Variants in STXBP4 observed in about 807,000 individuals in gnomAD.
STXBP4 encodes the protein syntaxin-binding protein 4.
STXBP4 carries 55 observed loss-of-function variants against 76.1 expected under a neutral mutation model. That is an observed-to-expected ratio of 0.72 (90% CI 0.58 to 0.91). STXBP4 has a LOEUF of 0.91. STXBP4 is among the 40% of genes least tolerant of loss of function. The probability of loss-of-function intolerance (pLI) is 0.00; values close to 1 mark genes in which losing one functional copy is unlikely to be tolerated. For synonymous variants in STXBP4, 201 were observed against 220.2 expected, an observed-to-expected ratio of 0.91 and a Z score of 0.77; for missense variants, 618 against 636.9, an observed-to-expected ratio of 0.97 and a Z score of 0.32.
intron 16 of STXBP4, among the ~76,000 whole-genome samples, chr17:55,116,044 AG>A (rs2079776640): frequency 6.6e-6 from 1 of 151,804 alleles, no homozygotes; most frequent in East Asian, 1.9e-4. Context: ...AACTCTAGGG[AG>A]CGGTGCCTTA....
chr17:55,102,896 C>T (rs918449491), intron 16 of STXBP4, among the ~76,000 whole-genome samples: 8 of 152,132 alleles, frequency 5.3e-5, no homozygotes, highest in Admixed American at 5.2e-4. Flanking sequence ...AGCTTTTTTT[C>T]ATATGTTTTT....
chr17:55,017,089 C>T (rs979913695), intron 8 of STXBP4, among the ~76,000 whole-genome samples: 21 of 152,150 alleles, frequency 1.4e-4, no homozygotes, highest in South Asian at 2.1e-4. Flanking sequence ...TATAGGGTCA[C>T]GGAGAAGACC....
intron 17 of STXBP4, among the ~76,000 whole-genome samples, chr17:55,144,005 GCACACACACA>G (rs61300425): frequency 0.025 from 3,429 of 138,916 alleles, 44 homozygotes; most frequent in Non-Finnish European, 0.035. Context: ...AAAGCCACCT[GCACACACACA>G]CACACACACA....
chr17:55,116,494 T>G (rs1345495018), intron 16 of STXBP4, among the ~76,000 whole-genome samples: 2 of 151,802 alleles, frequency 1.3e-5, no homozygotes, highest in Non-Finnish European at 3.0e-5. Flanking sequence ...TAATTGGTAT[T>G]TAAAACAGTT....
intron 8 of STXBP4, among the ~76,000 whole-genome samples, chr17:55,009,621 T>C (rs1159099940): frequency 6.6e-6 from 1 of 152,174 alleles, no homozygotes; most frequent in Non-Finnish European, 1.5e-5. Context: ...AAATTATTTT[T>C]GTGGAAAAGT....
intron 5 of STXBP4, 38 bp downstream of exon 5, chr17:54,999,489 G>C (rs779506028): frequency 6.5e-7 from 1 of 1,537,538 alleles, no homozygotes; most frequent in Non-Finnish European, 8.9e-7. Flanking sequence ...GAGTCATTTA[G>C]AATGTCTCCT....
chr17:54,988,861 C>T (rs1009400669), intron 3 of STXBP4, among the ~76,000 whole-genome samples: 3 of 152,076 alleles, frequency 2.0e-5, no homozygotes, highest in African/African-American at 7.2e-5. Context: ...TGACTATTGC[C>T]CTAGAAACCA....
the STXBP4 span, among the ~76,000 whole-genome samples, chr17:55,211,799 GTTTTTTTTTTTTT>G: frequency 2.0e-5 from 1 of 48,980 alleles, no homozygotes; most frequent in Non-Finnish European, 4.1e-5. Flanking sequence ...GTTTTTTGTT[GTTTTTTTTTTTTT>G]TTTTTTTTTT....
intron 16 of STXBP4, among the ~76,000 whole-genome samples, chr17:55,107,025 A>G (rs998901866): frequency 2.6e-5 from 4 of 152,176 alleles, no homozygotes; most frequent in Non-Finnish European, 5.9e-5. Flanking sequence ...TATCCTGAAG[A>G]GTATTTTCCA....
intron 8 of STXBP4, among the ~76,000 whole-genome samples, chr17:55,012,119 T>G (rs1366062252): frequency 1.3e-5 from 2 of 152,072 alleles, no homozygotes; most frequent in Admixed American, 1.3e-4. Context: ...AACAAGGAGG[T>G]TAAAGATACA....
chr17:55,034,023 T>C, intron 9 of STXBP4, 145 bp from the exon 10 acceptor site: 1 of 531,510 alleles, frequency 1.9e-6, no homozygotes, highest in Non-Finnish European at 3.3e-6. Flanking sequence ...TTATTTGAAA[T>C]TACATTTACC....
chr17:55,212,008 C>T, the STXBP4 span, among the ~76,000 whole-genome samples: 1 of 150,482 alleles, frequency 6.6e-6, no homozygotes, highest in East Asian at 1.9e-4. Flanking sequence ...TTAGTAGAGA[C>T]CGGGATTCAT....
intron 17 of STXBP4, among the ~76,000 whole-genome samples, chr17:55,149,311 T>G (rs1275000913): frequency 6.6e-6 from 1 of 152,088 alleles, no homozygotes; most frequent in Non-Finnish European, 1.5e-5. Context: ...TTGTTGGCAG[T>G]CTGCGGAAGC....
intron 17 of STXBP4, among the ~76,000 whole-genome samples, chr17:55,157,910 G>A (rs2080299210): frequency 6.6e-6 from 1 of 152,128 alleles, no homozygotes; most frequent in Admixed American, 6.6e-5. Context: ...GTTTGTTAAC[G>A]GAGATATGTT....
intron 12 of STXBP4, among the ~76,000 whole-genome samples, chr17:55,052,508 T>A (rs542039726): frequency 6.6e-6 from 1 of 152,252 alleles, no homozygotes; most frequent in South Asian, 2.1e-4. Flanking sequence ...GATTTGGAAA[T>A]CAGTATTTTA....
intron 10 of STXBP4, among the ~76,000 whole-genome samples, chr17:55,039,750 A>C (rs555648923): frequency 6.6e-6 from 1 of 151,372 alleles, no homozygotes; most frequent in South Asian, 2.1e-4. Flanking sequence ...AAAAAAAAAA[A>C]CTCAAAAGTT....
At chr17:55,088,073 C>T (rs2079361602) in intron 16 of STXBP4, among the ~76,000 whole-genome samples, 2 of 152,110 alleles carry the variant, frequency 1.3e-5, no homozygotes, top group South Asian at 4.1e-4. Flanking sequence ...GCACATTTTG[C>T]CAGTACTTTT....
chr17:55,015,660 A>T (rs1245406201), intron 8 of STXBP4, among the ~76,000 whole-genome samples: 1 of 150,432 alleles, frequency 6.6e-6, no homozygotes, highest in Non-Finnish European at 1.5e-5. Context: ...ATCGGGGAAT[A>T]TTGGCACTCT....
intron 10 of STXBP4, among the ~76,000 whole-genome samples, chr17:55,040,847 G>T (rs1382157251): frequency 2.0e-5 from 3 of 152,144 alleles, no homozygotes; most frequent in Admixed American, 1.3e-4. Flanking sequence ...TTGAAAACAC[G>T]CATCTGTCTG....
Sources: gnomAD v4.1 joint callset for allele counts (sites outside exome capture counted in the v4.1 genomes callset) on GRCh38, gnomAD v4.1.1 for gene constraint, MANE v1.5 for transcripts, NCBI Gene and HGNC (gene_info 2026-07-23, HGNC 2026-07-21) for gene names.